OCA2: variants seen among roughly 807,000 people sequenced by gnomAD.
OCA2 encodes the protein P protein.
A neutral mutation model predicts 100.2 loss-of-function variants in OCA2; 77 were observed. The observed-to-expected ratio is 0.77, with a 90% CI of 0.64 to 0.93. The LOEUF is 0.93. Among genes scored for constraint, OCA2 ranks in the 40% least tolerant of loss-of-function variants. The pLI, the probability that OCA2 is intolerant of heterozygous loss-of-function variation, is 0.00. For missense variants in OCA2, 1,062 were observed against 1,089.1 expected, an observed-to-expected ratio of 0.98 and a Z score of 0.35; for synonymous variants, 432 against 439.2, an observed-to-expected ratio of 0.98 and a Z score of 0.21.
Position 28,016,146 on chromosome 15 carries a change from C to T in OCA2, c.848G>A (p.Ser283Asn), listed in dbSNP as rs1365554324. The T allele has an allele frequency of 6.2e-7, 1 of 1,614,200 alleles. No homozygotes were observed. Among genetic ancestry groups the T allele is most frequent in the African/African-American group, 1.3e-5 (1 of 75,050 alleles). Residue 283 changes from serine (S) to asparagine (N), a missense_variant, in exon 8 of 24, where the codon AGC becomes AAC. Physicochemically the swap from Ser to Asn is conservative, Grantham distance 46. Transcript: ENST00000354638. Reference protein sequence around the residue: ...NWTVYLNPRRSEHSVMSRTFE... With the variant: ...NWTVYLNPRRNEHSVMSRTFE... The stretch of plus-strand genomic sequence containing the variant: ...GGTCCTGCTCATCACTGAGTGCTCG[C>T]TTCTCCTCGGATTTAAATACACCGT...
chr15:27,747,353 T>C, the OCA2 span, among the ~76,000 whole-genome samples: 1 of 152,382 alleles, frequency 6.6e-6, no homozygotes, highest in South Asian at 2.1e-4. Context: ...GTCTTCCTTA[T>C]TCTGGACTAA....
At chr15:27,868,089 C>A (rs758491512) in intron 21 of OCA2, among the ~76,000 whole-genome samples, 1 of 152,146 alleles carries the variant, frequency 6.6e-6, no homozygotes, top group Non-Finnish European at 1.5e-5. Flanking sequence ...ACCGAAGCAG[C>A]CGCAGTGTGC....
chr15:27,990,698 C>T, intron 9 of OCA2, 51 bp from the exon 10 acceptor site: 2 of 1,523,204 alleles, frequency 1.3e-6, no homozygotes, highest in Non-Finnish European at 9.1e-7. Context: ...AGGGAGTTAG[C>T]ACACACGAAA....
intron 1 of OCA2, among the ~76,000 whole-genome samples, chr15:28,098,691 G>T (rs996681407): frequency 6.6e-6 from 1 of 152,334 alleles, no homozygotes; most frequent in South Asian, 2.1e-4. Context: ...AACCCAGAGC[G>T]TCCACATACC....
intron 23 of OCA2, among the ~76,000 whole-genome samples, chr15:27,765,886 C>A (rs2031220045): frequency 6.6e-6 from 1 of 152,208 alleles, no homozygotes; most frequent in African/African-American, 2.4e-5. Context: ...TTCTTTATTG[C>A]AACCTGTTTT....
intron 2 of OCA2, among the ~76,000 whole-genome samples, chr15:28,067,172 A>G (rs1341041101): frequency 6.6e-6 from 1 of 152,208 alleles, no homozygotes; most frequent in Non-Finnish European, 1.5e-5. Context: ...CTCATCAATA[A>G]TATTATTAAG....
chr15:27,740,042 G>A, the OCA2 span, among the ~76,000 whole-genome samples: 1 of 152,184 alleles, frequency 6.6e-6, no homozygotes, highest in Non-Finnish European at 1.5e-5. Context: ...TTGTGATTGA[G>A]TAATAAAACA....
intron 6 of OCA2, among the ~76,000 whole-genome samples, chr15:28,019,067 T>C (rs1431220867): frequency 6.6e-6 from 1 of 152,134 alleles, no homozygotes; most frequent in African/African-American, 2.4e-5. Context: ...TGCAGGGCCC[T>C]GGTTGGAGAA....
At position 27,755,205 on chromosome 15, in the gene OCA2, A is replaced by G; in HGVS notation, c.*183T>C. The stretch of plus-strand genomic sequence containing the variant: ...GGAGAAAGGACACACAGAGGAGGTC[A>G]TGGTGTTCCAACATTCGCTTGAATT... On this transcript the variant is annotated 3_prime_UTR_variant, in exon 24 of 24. Coordinates refer to ENST00000354638, the MANE Select transcript of OCA2 (RefSeq NM_000275.3). 3.2e-6 allele frequency: 2 copies of G among 616,966 alleles called. No individual in the cohort carries two copies. The highest frequency in any genetic ancestry group is 3.4e-5 in the South Asian group (2 of 59,170). 38.2% of individuals were successfully genotyped at this position (616,966 alleles called of 1,614,324 possible). A position where few individuals can be genotyped will look rare whatever the true frequency, so the allele number is the denominator to read the frequency against.
At chr15:27,739,935 C>T in the OCA2 span, among the ~76,000 whole-genome samples, 139 of 152,302 alleles carry the variant, frequency 9.1e-4, no homozygotes, top group African/African-American at 3.2e-3. Context: ...GGACGTGACT[C>T]AGGGGTGCAG....
At chr15:27,940,605 C>T (rs1296365810) in intron 18 of OCA2, among the ~76,000 whole-genome samples, 3 of 152,210 alleles carry the variant, frequency 2.0e-5, no homozygotes, top group African/African-American at 7.2e-5. Flanking sequence ...GACAGCAGGG[C>T]CAGTGTTTCA....
At chr15:28,003,218 T>C (rs1487903410) in intron 9 of OCA2, among the ~76,000 whole-genome samples, 5 of 152,254 alleles carry the variant, frequency 3.3e-5, no homozygotes, top group Admixed American at 6.5e-5. Context: ...TCAGAAGCTA[T>C]AGAAGCTTAG....
chr15:27,888,952 T>C (rs529583198), intron 19 of OCA2, among the ~76,000 whole-genome samples: 4 of 152,252 alleles, frequency 2.6e-5, no homozygotes, highest in African/African-American at 4.8e-5. Context: ...CAGTTTGATA[T>C]AGACATCTCA....
chr15:27,962,264 T>C (rs764907464), intron 15 of OCA2, among the ~76,000 whole-genome samples: 1 of 152,232 alleles, frequency 6.6e-6, no homozygotes, highest in Non-Finnish European at 1.5e-5. Flanking sequence ...TTGTGAGCTC[T>C]GATTCTGCCA....
chr15:27,931,298 A>G (rs2039241151), intron 18 of OCA2, among the ~76,000 whole-genome samples: 1 of 152,066 alleles, frequency 6.6e-6, no homozygotes, highest in South Asian at 2.1e-4. Flanking sequence ...ACAATTCTAT[A>G]CCTTGCATTT....
rs34385677 is a variant in OCA2, at chr15:28,028,021, G to A, written c.365C>T (p.Thr122Ile). ...CIPVYHPEFI[T>I]AEESWEDSSA... ...GCTGTCTTCCCAAGACTCTTCAGCA[G>A]TGATGAACTCTGGATGGTAAACAGG... The change falls in exon 4 of 24, where the codon ACT becomes ATT. Residue 122 changes from threonine (T) to isoleucine (I), a missense_variant. Physicochemically the swap from Thr to Ile is moderately conservative, Grantham distance 89 (BLOSUM62 -1). Coordinates refer to ENST00000354638, the MANE Select transcript of OCA2 (RefSeq NM_000275.3). 4.4e-4 allele frequency: 714 copies of A among 1,614,254 alleles called. 2 individuals are homozygous for A. The African/African-American group carries it at 8.8e-3, about 20-fold the overall frequency.
At chr15:27,811,843 G>A (rs574416644) in intron 23 of OCA2, among the ~76,000 whole-genome samples, 26 of 152,198 alleles carry the variant, frequency 1.7e-4, no homozygotes, top group Admixed American at 1.5e-3. Flanking sequence ...TCTAAGTGTC[G>A]GTGGAACTTC....
intron 23 of OCA2, among the ~76,000 whole-genome samples, chr15:27,796,590 G>A (rs536021775): frequency 3.3e-5 from 5 of 151,968 alleles, no homozygotes; most frequent in African/African-American, 9.6e-5. Flanking sequence ...GTCTAAGCAC[G>A]GAGTCAGGGC....
chr15:27,852,384 A>T (rs989848161), intron 21 of OCA2, among the ~76,000 whole-genome samples: 1 of 152,114 alleles, frequency 6.6e-6, no homozygotes, highest in African/African-American at 2.4e-5. Flanking sequence ...ATGCAGCGTT[A>T]TTTCTGAGGG....
Sources: gnomAD v4.1 joint callset for allele counts (sites outside exome capture counted in the v4.1 genomes callset) on GRCh38, gnomAD v4.1.1 for gene constraint, MANE v1.5 for transcripts, NCBI Gene and HGNC (gene_info 2026-07-23, HGNC 2026-07-21) for gene names.